CTNNA2: variants seen among roughly 807,000 people sequenced by gnomAD.
The protein encoded by CTNNA2 is catenin alpha-2.
CTNNA2 carries 42 observed loss-of-function variants against 101.0 expected under a neutral mutation model. The ratio of observed to expected loss-of-function variants is 0.42; its 90% CI spans 0.32 to 0.54. CTNNA2 has a LOEUF of 0.54. Among genes scored for constraint, CTNNA2 ranks in the 20% least tolerant of loss-of-function variants. The pLI is 0.14. For missense variants in CTNNA2, 871 were observed against 1,223.1 expected (o/e 0.71, Z 4.29); for synonymous variants, 450 against 456.4 (o/e 0.99, Z 0.18).
intron 7 of CTNNA2, among the ~76,000 whole-genome samples, chr2:80,160,948 A>G (rs1271255719): frequency 6.6e-6 from 1 of 151,612 alleles, no homozygotes; most frequent in Non-Finnish European, 1.5e-5. Flanking sequence ...CCCTCTATTC[A>G]TATTCTTCAG....
Position 79,560,012 on chromosome 2 carries a change from A to T in CTNNA2, c.-6+46805A>T, listed in dbSNP as rs1276628759. On this transcript the variant is annotated intron_variant, in intron 1 of 18. Coordinates refer to ENST00000402739, the MANE Select transcript of CTNNA2 (RefSeq NM_001282597.3). ...CTATTATGTATGATATGTATATTTA[A>T]CATCTCTAGCGCCTGACTCACTTCT... Among the ~76,000 whole-genome samples, 17 of 151,860 alleles carry T rather than the reference A, an allele frequency of 1.1e-4. No homozygotes were observed. In the Admixed American group the frequency reaches 1.1e-3, roughly 10 times the overall value.
intron 18 of CTNNA2, 56 bp downstream of exon 18, chr2:80,619,284 G>C: frequency 5.7e-6 from 8 of 1,397,110 alleles, no homozygotes; most frequent in Non-Finnish European, 7.5e-6. Flanking sequence ...GAATTCTGAA[G>C]GCAGGGGGGA....
intron 7 of CTNNA2, among the ~76,000 whole-genome samples, chr2:79,989,047 A>G (rs1691977571): frequency 6.6e-6 from 1 of 152,168 alleles, no homozygotes; most frequent in South Asian, 2.1e-4. Context: ...TGTTGGATAA[A>G]ACGGAAACCT....
At chr2:79,592,437 A>G (rs1303342521) in intron 1 of CTNNA2, among the ~76,000 whole-genome samples, 2 of 152,038 alleles carry the variant, frequency 1.3e-5, no homozygotes, top group Admixed American at 6.6e-5. Flanking sequence ...TGGCCGATTA[A>G]TTACATCTTG....
At chr2:80,458,769 A>C (rs1477767505) in intron 9 of CTNNA2, among the ~76,000 whole-genome samples, 5 of 152,134 alleles carry the variant, frequency 3.3e-5, no homozygotes, top group African/African-American at 4.8e-5. Context: ...GTGGTTGTCT[A>C]TCCTGGGTTT....
Position 80,026,045 on chromosome 2 carries a change from G to T in CTNNA2, c.1056+116248G>T, listed in dbSNP as rs1409267012. 2.0e-5 allele frequency among the ~76,000 whole-genome samples: 3 copies of T among 152,182 alleles called. No homozygotes were observed. In the East Asian group the frequency reaches 5.8e-4, roughly 29 times the overall value. On this transcript the variant is annotated intron_variant, in intron 7 of 18. Transcript: ENST00000402739. ...TGTCACAGCGGGGAAGGGGGAAGAG[G>T]GTGAGCTGGGATATGTTTGTAATTC...
At chr2:79,224,371 A>G (rs556321992) in intron 2 of CTNNA2, among the ~76,000 whole-genome samples, 2 of 152,278 alleles carry the variant, frequency 1.3e-5, no homozygotes, top group East Asian at 3.9e-4. Context: ...CATATTGAAA[A>G]CTGAAGGAAT....
At chr2:80,577,445 G>A (rs1695151795) in intron 13 of CTNNA2, among the ~76,000 whole-genome samples, 1 of 152,122 alleles carries the variant, frequency 6.6e-6, no homozygotes, top group South Asian at 2.1e-4. Flanking sequence ...AAAGGTTGGA[G>A]CCAGGAACTT....
At chr2:79,763,272 A>G (rs952671489) in intron 3 of CTNNA2, among the ~76,000 whole-genome samples, 56 of 152,192 alleles carry the variant, frequency 3.7e-4, no homozygotes, top group African/African-American at 1.4e-3. Context: ...GTTACTATGT[A>G]TCTCCTTGTT....
intron 1 of CTNNA2, among the ~76,000 whole-genome samples, chr2:79,593,388 A>T (rs1382845396): frequency 2.6e-5 from 4 of 152,228 alleles, no homozygotes; most frequent in Admixed American, 1.3e-4. Flanking sequence ...AACACAATGG[A>T]ACAGTCCTCA....
chr2:80,376,579 G>C (rs1272840982), intron 7 of CTNNA2, among the ~76,000 whole-genome samples: 1 of 152,008 alleles, frequency 6.6e-6, no homozygotes, highest in Admixed American at 6.6e-5. Flanking sequence ...ATAAAGAATT[G>C]TACATTAAAG....
chr2:79,261,136 G>A (rs1674915723), intron 2 of CTNNA2, among the ~76,000 whole-genome samples: 1 of 152,110 alleles, frequency 6.6e-6, no homozygotes, highest in African/African-American at 2.4e-5. Flanking sequence ...AATATCAGAA[G>A]CTACCAAAGA....
intron 7 of CTNNA2, among the ~76,000 whole-genome samples, chr2:80,117,005 G>T (rs1028574588): frequency 3.3e-5 from 5 of 151,236 alleles, no homozygotes; most frequent in African/African-American, 1.2e-4. Context: ...GGACACACTT[G>T]GAAGTTCTGG....
intron 18 of CTNNA2, among the ~76,000 whole-genome samples, chr2:80,621,323 A>G (rs1558651840): frequency 6.6e-6 from 1 of 152,004 alleles, no homozygotes; most frequent in East Asian, 1.9e-4. Flanking sequence ...TATTTTGTAC[A>G]TACAATTATT....
chr2:80,170,249 TTG>T (rs1704969473), intron 7 of CTNNA2, among the ~76,000 whole-genome samples: 2 of 148,744 alleles, frequency 1.3e-5, no homozygotes, highest in South Asian at 4.2e-4. Flanking sequence ...GTGTGTGTGT[TTG>T]TGTGTGTGTG....
chr2:80,265,265 C>T (rs1672919190), intron 7 of CTNNA2, among the ~76,000 whole-genome samples: 1 of 152,110 alleles, frequency 6.6e-6, no homozygotes, highest in African/African-American at 2.4e-5. Flanking sequence ...GTGAGCCACT[C>T]CTCCCGGCCA....
intron 1 of CTNNA2, among the ~76,000 whole-genome samples, chr2:79,575,033 G>A (rs1232163708): frequency 1.3e-5 from 2 of 152,004 alleles, no homozygotes; most frequent in Non-Finnish European, 2.9e-5. Flanking sequence ...GCGTTGGTTC[G>A]TGTCCTTTGC....
At chr2:80,374,589 G>A (rs1675748835) in intron 7 of CTNNA2, among the ~76,000 whole-genome samples, 1 of 151,992 alleles carries the variant, frequency 6.6e-6, no homozygotes, top group Non-Finnish European at 1.5e-5. Context: ...GGAGTCAACA[G>A]GGTTGGTTTC....
At chr2:80,355,117 A>G (rs542893998) in intron 7 of CTNNA2, among the ~76,000 whole-genome samples, 1 of 152,276 alleles carries the variant, frequency 6.6e-6, no homozygotes, top group South Asian at 2.1e-4. Context: ...TTGGCAATGA[A>G]TCTTCTTCCT....
Sources: allele counts gnomAD v4.1 joint callset (sites outside exome capture counted in the v4.1 genomes callset), GRCh38; gene constraint gnomAD v4.1.1; transcripts MANE v1.5; gene names NCBI Gene and HGNC (gene_info 2026-07-23, HGNC 2026-07-21).